The following ROBO2 variants were observed in gnomAD, a reference collection of about 807,000 sequenced individuals.
ROBO2 encodes roundabout homolog 2.
Under a neutral mutation model 160.8 loss-of-function variants are expected in ROBO2, and 53 were observed. The observed-to-expected ratio is 0.33, with a 90% CI of 0.26 to 0.41. The LOEUF (loss-of-function observed/expected upper bound fraction) is 0.41, where lower values mean the gene tolerates loss of function less well. ROBO2 is among the 10% of genes least tolerant of loss of function. The probability of loss-of-function intolerance (pLI) is 1.00; values close to 1 mark genes in which losing one functional copy is unlikely to be tolerated. For synonymous variants in ROBO2, 664 were observed against 611.7 expected (o/e 1.09, Z -1.26); for missense variants, 1,577 against 1,722.4 (o/e 0.92, Z 1.49).
intron 3 of ROBO2, among the ~76,000 whole-genome samples, chr3:77,478,848 G>A (rs149582218): frequency 6.6e-6 from 1 of 152,260 alleles, no homozygotes; most frequent in African/African-American, 2.4e-5. Flanking sequence ...GTATATTCAT[G>A]CGTTTCTGGT....
chr3:77,348,444 G>T (rs192676911), intron 2 of ROBO2, among the ~76,000 whole-genome samples: 73 of 152,160 alleles, frequency 4.8e-4, no homozygotes, highest in Non-Finnish European at 9.1e-4. Flanking sequence ...GGTTTTGATG[G>T]GTTGGGACTG....
intron 2 of ROBO2, among the ~76,000 whole-genome samples, chr3:77,099,329 T>C (rs4371552): frequency 0.48 from 72,901 of 151,810 alleles, 20,398 homozygotes; most frequent in African/African-American, 0.77. Context: ...ATTTCTTATG[T>C]AGCTATCCCA....
chr3:76,000,855 C>T (rs2065866778), intron 2 of ROBO2, among the ~76,000 whole-genome samples: 1 of 152,026 alleles, frequency 6.6e-6, no homozygotes, highest in South Asian at 2.1e-4. Flanking sequence ...TTTTATATCC[C>T]TCAGCATTTA....
intron 2 of ROBO2, among the ~76,000 whole-genome samples, chr3:76,445,503 A>C (rs1373813965): frequency 6.6e-6 from 1 of 152,222 alleles, no homozygotes. Flanking sequence ...TATTCCAATC[A>C]ATAGAAAAAG....
At chr3:77,099,327 T>C (rs767794023) in intron 2 of ROBO2, among the ~76,000 whole-genome samples, 2 of 152,072 alleles carry the variant, frequency 1.3e-5, no homozygotes, top group Non-Finnish European at 2.9e-5. Flanking sequence ...CAATTTCTTA[T>C]GTAGCTATCC....
At chr3:76,765,904 C>G (rs1426101896) in intron 2 of ROBO2, among the ~76,000 whole-genome samples, 11 of 151,644 alleles carry the variant, frequency 7.3e-5, no homozygotes, top group Admixed American at 7.2e-4. Flanking sequence ...TGTTACACAT[C>G]AATCGTAACT....
At chr3:76,990,973 G>T (rs1200103089) in intron 2 of ROBO2, among the ~76,000 whole-genome samples, 4 of 152,168 alleles carry the variant, frequency 2.6e-5, no homozygotes, top group Non-Finnish European at 4.4e-5. Flanking sequence ...GGGGAGAAGG[G>T]TAGCAAGACC....
chr3:77,299,177 AGATGGCAAGTTG>A (rs2062429623), intron 2 of ROBO2, among the ~76,000 whole-genome samples: 1 of 152,204 alleles, frequency 6.6e-6, no homozygotes. Flanking sequence ...ATATAAGTTG[AGATGGCAAGTTG>A]GAATTAGATT....
chr3:77,476,179 G>A (rs79077702), intron 2 of ROBO2, among the ~76,000 whole-genome samples: 2,707 of 152,200 alleles, frequency 0.018, 76 homozygotes, highest in African/African-American at 0.06. Context: ...ATTTATTTGG[G>A]GAATGACAAT....
At position 77,358,517 on chromosome 3, in the gene ROBO2, G is replaced by A. The variant is rs181358466; in HGVS notation, c.389-118897G>A. 2.6e-5 allele frequency among the ~76,000 whole-genome samples: 4 copies of A among 152,096 alleles called. No homozygotes were observed. In the East Asian group the frequency reaches 7.7e-4, roughly 29 times the overall value. ...GGACACAATTCAACCCATAACAACA[G>A]GAAAAACACAATAAGGCAATCATTA... On this transcript the variant is annotated intron_variant, in intron 2 of 25. Coordinates refer to ENST00000461745, the Ensembl canonical transcript of ROBO2.
chr3:76,185,203 T>TAG (rs1170992972), intron 2 of ROBO2, among the ~76,000 whole-genome samples: 1 of 91,394 alleles, frequency 1.1e-5, no homozygotes, highest in Non-Finnish European at 2.5e-5. Flanking sequence ...CAGATATATA[T>TAG]ATATATATAT....
chr3:76,149,859 ATGTCTAAAGCACACATC>A (rs1272985181), intron 2 of ROBO2, among the ~76,000 whole-genome samples: 3 of 50,884 alleles, frequency 5.9e-5, no homozygotes, highest in Non-Finnish European at 1.0e-4. Flanking sequence ...CACACATCAT[ATGTCTAAAGCACACATC>A]TGTCTAAAGC....
intron 2 of ROBO2, among the ~76,000 whole-genome samples, chr3:77,001,178 T>A (rs555039066): frequency 6.6e-6 from 1 of 152,264 alleles, no homozygotes; most frequent in South Asian, 2.1e-4. Flanking sequence ...GATACCGTAC[T>A]TTGAGGAAAA....
chr3:75,917,641 A>G (rs1269652783), intron 1 of ROBO2, among the ~76,000 whole-genome samples: 1 of 152,200 alleles, frequency 6.6e-6, no homozygotes, highest in Non-Finnish European at 1.5e-5. Context: ...GAACTATTTT[A>G]CAAGGCCACC....
chr3:76,795,835 T>C (rs1024577753), intron 2 of ROBO2, among the ~76,000 whole-genome samples: 10 of 152,104 alleles, frequency 6.6e-5, no homozygotes, highest in Non-Finnish European at 1.3e-4. Flanking sequence ...GAAAAATCAC[T>C]ATCTATGTCA....
chr3:77,005,251 A>G (rs964932272), intron 2 of ROBO2, among the ~76,000 whole-genome samples: 1 of 152,126 alleles, frequency 6.6e-6, no homozygotes, highest in African/African-American at 2.4e-5. Flanking sequence ...AAGTATCTGA[A>G]AACACAGTTT....
intron 2 of ROBO2, among the ~76,000 whole-genome samples, chr3:76,789,484 T>C (rs1450728369): frequency 2.0e-5 from 3 of 151,590 alleles, no homozygotes; most frequent in Non-Finnish European, 4.4e-5. Context: ...CAGGATGTTG[T>C]GCAGACAGAA....
intron 2 of ROBO2, among the ~76,000 whole-genome samples, chr3:76,812,346 A>G (rs1272664061): frequency 2.5e-4 from 20 of 79,156 alleles, no homozygotes; most frequent in Non-Finnish European, 3.6e-4. Flanking sequence ...AAGCTATTTG[A>G]AAAAAAAAAA....
rs544644331 is a variant in ROBO2 at position 77,251,967 on chromosome 3, C to T, written c.388+153627C>T. 1.8e-3 allele frequency among the ~76,000 whole-genome samples: 272 copies of T among 152,240 alleles called. 1 individual carries two copies. Among genetic ancestry groups the T allele is most frequent in the Admixed American group, 3.7e-3 (56 of 15,294 alleles). ...ACAGACTTTTTTATTATTTACATGG[C>T]CAGCCTGGAAAATTTCAAAATCTAT... On this transcript the variant is annotated intron_variant, in intron 2 of 25. Transcript: ENST00000461745.
Sources: allele counts gnomAD v4.1 joint callset (sites outside exome capture counted in the v4.1 genomes callset), GRCh38; gene constraint gnomAD v4.1.1; transcripts MANE v1.5; gene names NCBI Gene and HGNC (gene_info 2026-07-23, HGNC 2026-07-21).